ASXL3: variants seen among roughly 807,000 people sequenced by gnomAD.
The protein encoded by ASXL3 is putative Polycomb group protein ASXL3.
ASXL3 carries 34 observed loss-of-function variants against 170.6 expected under a neutral mutation model. That is an observed-to-expected ratio of 0.20 (90% CI 0.15 to 0.27). ASXL3 has a LOEUF of 0.27. ASXL3 is among the 10% of genes least tolerant of loss of function. ASXL3 has a pLI of 1.00. For synonymous variants in ASXL3, 1,002 were observed against 989.1 expected, an observed-to-expected ratio of 1.01 and a Z score of -0.24; for missense variants, 2,592 against 2,695.3, an observed-to-expected ratio of 0.96 and a Z score of 0.85.
At chr18:33,705,428 A>C (rs1286219595) in intron 8 of ASXL3, among the ~76,000 whole-genome samples, 1 of 151,664 alleles carries the variant, frequency 6.6e-6, no homozygotes, top group East Asian at 1.9e-4. Context: ...AATTTACTAA[A>C]TTTTAAAGCA....
chr18:33,654,367 C>G (rs1389335019), intron 4 of ASXL3, among the ~76,000 whole-genome samples: 1 of 151,964 alleles, frequency 6.6e-6, no homozygotes, highest in Non-Finnish European at 1.5e-5. Context: ...CACTCATGTT[C>G]TTTAAAAAAA....
chr18:33,654,405 C>T (rs747873715), intron 4 of ASXL3, among the ~76,000 whole-genome samples: 1 of 152,006 alleles, frequency 6.6e-6, no homozygotes. Context: ...CCAGATAATT[C>T]GTTCTCACTT....
At chr18:33,606,642 C>G (rs1347489242) in intron 1 of ASXL3, among the ~76,000 whole-genome samples, 1 of 151,992 alleles carries the variant, frequency 6.6e-6, no homozygotes, top group Non-Finnish European at 1.5e-5. Context: ...ACTCTAGTGT[C>G]TCTAAGTTAC....
chr18:33,587,363 G>A (rs1030928993), intron 1 of ASXL3, among the ~76,000 whole-genome samples: 1 of 151,952 alleles, frequency 6.6e-6, no homozygotes, highest in African/African-American at 2.4e-5. Context: ...TTAGTTAATT[G>A]ATTACATTTA....
chr18:33,595,980 A>G lies in ASXL3; in HGVS notation c.55-11614A>G, dbSNP rs1261747668. 2.6e-5 allele frequency among the ~76,000 whole-genome samples: 4 copies of G among 152,344 alleles called. 1 individual carries two copies. The East Asian group carries it at 7.7e-4, about 29-fold the overall frequency. On this transcript the variant is annotated intron_variant, in intron 1 of 11. Transcript: ENST00000269197. ...CATTCTTTGGAAGAAGGAAGTAGGG[A>G]ATAATAAACTGAGTACATCAATTCT...
At chr18:33,614,828 T>C (rs903156553) in intron 2 of ASXL3, 1 of 152,104 alleles carries the variant, frequency 6.6e-6, no homozygotes, top group African/African-American at 2.4e-5. Flanking sequence ...AATCTTTTTT[T>C]TTTTTCTTTT....
At position 33,644,951 on chromosome 18, in the gene ASXL3, G is replaced by C. The variant is rs371104233; in HGVS notation, c.195G>C (p.Gly65=). The change falls in exon 3 of 12, where the codon GGG becomes GGC. Residue 65 remains glycine, a synonymous_variant. Transcript: ENST00000269197. ...TGCTTCACACTAACACTCGAATAGG[G>C]GATGGAACATTCTTCAAAATCCCTG... ...NAMLHTNTRI[G]DGTFFKIPGK... 6.3e-7 allele frequency: 1 copy of C among 1,583,274 alleles called. No individual in the cohort carries two copies. Among genetic ancestry groups the C allele is most frequent in the South Asian group, 1.2e-5 (1 of 86,404 alleles).
intron 5 of ASXL3, among the ~76,000 whole-genome samples, chr18:33,666,610 T>C (rs2066259381): frequency 6.6e-6 from 1 of 152,216 alleles, no homozygotes; most frequent in African/African-American, 2.4e-5. Flanking sequence ...ATTTCTATTA[T>C]ATATGTAGCA....
At chr18:33,713,229 G>GGTTTT (rs2067099415) in intron 8 of ASXL3, among the ~76,000 whole-genome samples, 1 of 81,760 alleles carries the variant, frequency 1.2e-5, no homozygotes, top group African/African-American at 6.2e-5. Context: ...CCACAAGAAG[G>GGTTTT]TTTTTTTTGT....
chr18:33,725,637 C>T (rs2067337415), intron 8 of ASXL3, among the ~76,000 whole-genome samples: 3 of 152,106 alleles, frequency 2.0e-5, no homozygotes, highest in African/African-American at 7.2e-5. Flanking sequence ...AGCATCTTGC[C>T]CTATTCTCAG....
intron 1 of ASXL3, among the ~76,000 whole-genome samples, chr18:33,586,101 C>A (rs1031897582): frequency 1.3e-5 from 2 of 151,976 alleles, no homozygotes; most frequent in South Asian, 4.2e-4. Context: ...GTATTAGAAC[C>A]TATTTTAATA....
intron 1 of ASXL3, among the ~76,000 whole-genome samples, chr18:33,593,437 C>T (rs2065097609): frequency 6.6e-6 from 1 of 151,876 alleles, no homozygotes; most frequent in Non-Finnish European, 1.5e-5. Context: ...TTAGATATCC[C>T]ATGCAGAAAC....
intron 8 of ASXL3, among the ~76,000 whole-genome samples, chr18:33,731,440 G>A (rs1487886492): frequency 6.6e-6 from 1 of 152,052 alleles, no homozygotes; most frequent in African/African-American, 2.4e-5. Flanking sequence ...GCTCATGCTC[G>A]TTGACAGTAT....
chr18:33,584,265 G>A (rs966089410), intron 1 of ASXL3, among the ~76,000 whole-genome samples: 2 of 152,002 alleles, frequency 1.3e-5, no homozygotes, highest in African/African-American at 4.8e-5. Flanking sequence ...GAAGACTTGG[G>A]GGGGCATAGG....
chr18:33,639,614 C>G (rs1442636178), intron 2 of ASXL3, among the ~76,000 whole-genome samples: 1 of 152,072 alleles, frequency 6.6e-6, no homozygotes, highest in Non-Finnish European at 1.5e-5. Flanking sequence ...CCCTGTAGAT[C>G]TTGTTTTAAA....
At chr18:33,582,108 G>A (rs1213167272) in intron 1 of ASXL3, among the ~76,000 whole-genome samples, 1 of 152,156 alleles carries the variant, frequency 6.6e-6, no homozygotes, top group Non-Finnish European at 1.5e-5. Flanking sequence ...TTCTAAGGTT[G>A]TAGAGTCTCA....
In ASXL3 at chr18:33,745,464, G is replaced by A. The variant is rs576500315; in HGVS notation, c.5616G>A (p.Gln1872=). The change falls in exon 12 of 12, where the codon CAG becomes CAA. Residue 1872 remains glutamine (Q), a synonymous_variant. Transcript: ENST00000269197. ...SSGISQLGHS[Q]PFKQEWLNKH... is the part of the protein sequence containing the mutation. Reference sequence around the variant, plus strand: ...GCATCAGTCAGCTAGGACACAGCCAGCCATTTAAGCAAGAATGGCTAAACA... The same window carrying A: ...GCATCAGTCAGCTAGGACACAGCCAACCATTTAAGCAAGAATGGCTAAACA... The A allele has an allele frequency of 6.2e-7, 1 of 1,614,018 alleles. No individual in the cohort carries two copies. The highest frequency in any genetic ancestry group is 1.1e-5 in the South Asian group (1 of 91,088).
chr18:33,671,630 G>A, intron 6 of ASXL3, 117 bp from the exon 7 acceptor site: 1 of 835,332 alleles, frequency 1.2e-6, no homozygotes, highest in Non-Finnish European at 1.8e-6. Flanking sequence ...GTGGCCAAAG[G>A]TAGTGTATTA....
At chr18:33,712,783 G>A (rs989693970) in intron 8 of ASXL3, among the ~76,000 whole-genome samples, 1 of 152,186 alleles carries the variant, frequency 6.6e-6, no homozygotes, top group Non-Finnish European at 1.5e-5. Context: ...TAGAAGCTAT[G>A]TTGCTGTAAG....
Sources: gnomAD v4.1 joint callset for allele counts (sites outside exome capture counted in the v4.1 genomes callset) on GRCh38, gnomAD v4.1.1 for gene constraint, MANE v1.5 for transcripts, NCBI Gene and HGNC (gene_info 2026-07-23, HGNC 2026-07-21) for gene names.